Variants in LINGO2 observed in about 807,000 individuals in gnomAD.
LINGO2 encodes leucine-rich repeat and immunoglobulin-like domain-containing nogo receptor-interacting protein 2.
A neutral mutation model predicts 30.6 loss-of-function variants in LINGO2; 14 were observed. The observed-to-expected ratio is 0.46, with a 90% confidence interval of 0.30 to 0.72. LINGO2 has a LOEUF of 0.72. Ranked by LOEUF, LINGO2 falls within the 30% of genes least tolerant of loss-of-function variation. The probability of loss-of-function intolerance (pLI) is 0.07; values close to 1 mark genes in which losing one functional copy is unlikely to be tolerated. For synonymous variants in LINGO2, 317 were observed against 288.5 expected, an observed-to-expected ratio of 1.10 and a Z score of -1.00; for missense variants, 729 against 751.7, an observed-to-expected ratio of 0.97 and a Z score of 0.35.
chr9:28,998,685 G>A, the LINGO2 span, among the ~76,000 whole-genome samples: 1 of 152,010 alleles, frequency 6.6e-6, no homozygotes, highest in Admixed American at 6.6e-5. Flanking sequence ...AGAAGAAAAT[G>A]TGATGGAAAA....
intron 3 of LINGO2, among the ~76,000 whole-genome samples, chr9:28,328,964 A>G (rs1463458274): frequency 6.6e-6 from 1 of 152,160 alleles, no homozygotes; most frequent in African/African-American, 2.4e-5. Flanking sequence ...AATATCTAAG[A>G]AAACAGTGAA....
At chr9:28,082,847 A>T (rs985513506) in intron 4 of LINGO2, among the ~76,000 whole-genome samples, 4 of 152,024 alleles carry the variant, frequency 2.6e-5, no homozygotes, top group African/African-American at 9.7e-5. Context: ...CAGTCGGTAA[A>T]ATCAGAGCCA....
intron 2 of LINGO2, among the ~76,000 whole-genome samples, chr9:28,397,122 C>A (rs1822078519): frequency 6.6e-6 from 1 of 152,028 alleles, no homozygotes; most frequent in South Asian, 2.1e-4. Context: ...CCTAATAATC[C>A]TGGACTTAAT....
intron 1 of LINGO2, among the ~76,000 whole-genome samples, chr9:28,589,512 C>CA (rs1451445341): frequency 6.6e-6 from 1 of 152,014 alleles, no homozygotes; most frequent in Non-Finnish European, 1.5e-5. Flanking sequence ...CAATAACAGA[C>CA]AAACAGAGAG....
At chr9:28,295,587 T>C (rs1564102632) in intron 3 of LINGO2, among the ~76,000 whole-genome samples, 2 of 152,174 alleles carry the variant, frequency 1.3e-5, no homozygotes, top group Non-Finnish European at 2.9e-5. Flanking sequence ...CATGTTGTTA[T>C]TGATCTACTC....
At chr9:28,885,477 A>C in the LINGO2 span, among the ~76,000 whole-genome samples, 1 of 84,898 alleles carries the variant, frequency 1.2e-5, no homozygotes, top group African/African-American at 3.8e-5. Context: ...ATATACATAC[A>C]TATACACGTT....
At chr9:28,977,877 G>T in the LINGO2 span, among the ~76,000 whole-genome samples, 1 of 152,228 alleles carries the variant, frequency 6.6e-6, no homozygotes. Context: ...CAGTATAAAT[G>T]ATGTGGCTGT....
At chr9:28,806,572 C>CT in the LINGO2 span, among the ~76,000 whole-genome samples, 1 of 152,228 alleles carries the variant, frequency 6.6e-6, no homozygotes, top group Non-Finnish European at 1.5e-5. Context: ...ACCTTATCAC[C>CT]TTTTTTGGTT....
the LINGO2 span, among the ~76,000 whole-genome samples, chr9:29,102,323 C>T: frequency 7.5e-3 from 1,140 of 152,160 alleles, 18 homozygotes; most frequent in African/African-American, 0.026. Context: ...TCTTGTGATC[C>T]GCCTGCCTCG....
chr9:28,167,483 C>T (rs1469965921), intron 4 of LINGO2, among the ~76,000 whole-genome samples: 3 of 152,182 alleles, frequency 2.0e-5, no homozygotes, highest in Non-Finnish European at 2.9e-5. Flanking sequence ...AGGATTCAAG[C>T]GATTCTCATG....
At chr9:28,934,405 C>T in the LINGO2 span, among the ~76,000 whole-genome samples, 1 of 152,152 alleles carries the variant, frequency 6.6e-6, no homozygotes, top group Non-Finnish European at 1.5e-5. Context: ...ATAATGCCAA[C>T]TTTTATGAAT....
the LINGO2 span, among the ~76,000 whole-genome samples, chr9:28,760,921 TG>T: frequency 2.0e-5 from 1 of 50,932 alleles, no homozygotes; most frequent in Admixed American, 2.3e-4. Context: ...CGTACGTGTG[TG>T]TGTGTGTGTG....
the LINGO2 span, among the ~76,000 whole-genome samples, chr9:28,734,388 C>A: frequency 6.6e-6 from 1 of 152,270 alleles, no homozygotes; most frequent in Admixed American, 6.5e-5. Context: ...TTATAAATTA[C>A]TTATTCCTGG....
At chr9:28,272,469 A>T (rs906868650) in intron 4 of LINGO2, among the ~76,000 whole-genome samples, 4 of 151,844 alleles carry the variant, frequency 2.6e-5, no homozygotes, top group African/African-American at 9.7e-5. Context: ...CCTTCTCAAC[A>T]GTCAGGTTTC....
chr9:28,800,714 C>A, the LINGO2 span, among the ~76,000 whole-genome samples: 2 of 152,048 alleles, frequency 1.3e-5, no homozygotes, highest in South Asian at 4.1e-4. Flanking sequence ...CTTATTGAGC[C>A]ATGACAGTAA....
intron 4 of LINGO2, among the ~76,000 whole-genome samples, chr9:28,150,214 G>A (rs1386776887): frequency 6.6e-6 from 1 of 152,030 alleles, no homozygotes; most frequent in African/African-American, 2.4e-5. Context: ...GAAATGAGGA[G>A]CGCCTCTGCC....
At chr9:28,215,491 A>T (rs1467352859) in intron 4 of LINGO2, among the ~76,000 whole-genome samples, 1 of 151,792 alleles carries the variant, frequency 6.6e-6, no homozygotes, top group Admixed American at 6.6e-5. Flanking sequence ...TTTATATTTT[A>T]AAAAAAGCAT....
intron 1 of LINGO2, among the ~76,000 whole-genome samples, chr9:28,476,557 G>C (rs926058299): frequency 5.3e-5 from 8 of 152,228 alleles, no homozygotes; most frequent in Admixed American, 3.3e-4. Context: ...TTACAGGCGT[G>C]AGCCACCGCG....
the LINGO2 span, among the ~76,000 whole-genome samples, chr9:28,883,628 GTA>G: frequency 9.4e-3 from 602 of 64,122 alleles, 24 homozygotes; most frequent in South Asian, 0.016. Context: ...ATGTGTGTGT[GTA>G]TATATATATA....
Sources: gnomAD v4.1 joint callset for allele counts (sites outside exome capture counted in the v4.1 genomes callset) on GRCh38, gnomAD v4.1.1 for gene constraint, MANE v1.5 for transcripts, NCBI Gene and HGNC (gene_info 2026-07-23, HGNC 2026-07-21) for gene names.